The following CDC25B variants were observed in gnomAD, a reference collection of about 807,000 sequenced individuals.
CDC25B encodes the protein cell division cycle 25B.
CDC25B carries 33 observed loss-of-function variants against 69.8 expected under a neutral mutation model. The observed-to-expected ratio is 0.47, with a 90% CI of 0.36 to 0.63. CDC25B has a LOEUF of 0.63. CDC25B is among the 30% of genes least tolerant of loss of function. The pLI is 0.00. For missense variants in CDC25B, 727 were observed against 809.1 expected (o/e 0.90, Z 1.23); for synonymous variants, 341 against 314.6 (o/e 1.08, Z -0.89).
At position 3,796,480 on chromosome 20, in the gene CDC25B, T is replaced by A; in HGVS notation, c.-52T>A. ...GCCCAGCCAGCTGTGCCGGCGTTTG[T>A]TGGCTGCCCTGCGCCCGGCCCTCCA... On this transcript the variant is annotated 5_prime_UTR_variant, in exon 1 of 16. In the 5' UTR this introduces an upstream ATG that the reference lacks. Transcript: ENST00000245960. 8.0e-7 allele frequency: 1 copy of A among 1,249,542 alleles called. No individual in the cohort carries two copies. The highest frequency in any genetic ancestry group is 1.0e-6 in the Non-Finnish European group (1 of 978,674). The allele number at this position is 1,249,542 out of a possible 1,614,324, so 77.4% of individuals were successfully genotyped here.
At chr20:3,789,218 C>T (rs1019326414) in intron 1 of CDC25B, among the ~76,000 whole-genome samples, 1 of 152,190 alleles carries the variant, frequency 6.6e-6, no homozygotes, top group Non-Finnish European at 1.5e-5. Context: ...CCTTCAGGCC[C>T]CTCAGCAAGC....
At chr20:3,800,140 G>A in intron 3 of CDC25B, 148 bp from the exon 4 acceptor site, 1 of 655,996 alleles carries the variant, frequency 1.5e-6, no homozygotes, top group Admixed American at 2.9e-5. Flanking sequence ...CCCTGATGGT[G>A]GGCGTTCTTC....
intron 3 of CDC25B, among the ~76,000 whole-genome samples, chr20:3,799,534 G>GCGCGCGCGCGCGCGCGCGCT (rs1187727448): frequency 2.7e-5 from 4 of 150,892 alleles, no homozygotes; most frequent in African/African-American, 9.8e-5. Context: ...GTGCGCGCGC[G>GCGCGCGCGCGCGCGCGCGCT]CGCGTAGATG....
chr20:3,796,710 A>G lies in CDC25B; in HGVS notation c.179A>G (p.His60Arg). 3.2e-6 allele frequency: 5 copies of G among 1,569,324 alleles called. No individual in the cohort carries two copies. The South Asian group carries it at 3.4e-5, about 11-fold the overall frequency. The change falls in exon 1 of 16, where the codon CAC becomes CGC. Residue 60 changes from histidine to arginine, a missense_variant. Coordinates refer to ENST00000245960, the MANE Select transcript of CDC25B (RefSeq NM_021873.4). Reference sequence around the variant, plus strand: ...GTCACCACCCTCACCCAGACCATGCACGACCTCGCCGGGCTCGGCAGGTAG... The same window carrying G: ...GTCACCACCCTCACCCAGACCATGCGCGACCTCGCCGGGCTCGGCAGGTAG... ...SPVTTLTQTM[H>R]DLAGLGSETP...
At chr20:3,797,482 G>T in intron 1 of CDC25B, 140 bp from the exon 2 acceptor site, 1 of 1,076,898 alleles carries the variant, frequency 9.3e-7, no homozygotes, top group South Asian at 1.5e-5. Context: ...CTGAGAAGAG[G>T]GGGCCCTCAG....
chr20:3,800,458 G>C lies in CDC25B; in HGVS notation c.423-4G>C, dbSNP rs1214290287. 1.2e-6 allele frequency: 2 copies of C among 1,614,080 alleles called. No homozygotes were observed. The highest frequency in any genetic ancestry group is 1.7e-5 in the Admixed American group (1 of 60,000). On this transcript the variant is annotated splice_polypyrimidine_tract_variant and splice_region_variant and intron_variant, in intron 4 of 15. Transcript: ENST00000245960. ...CTCTCACCTGTCCCCATTTCCTCCT[G>C]TAGCGAGCAGTTTGCCATCAGACGC...
At chr20:3,804,792 C>A in intron 15 of CDC25B, 29 bp from the exon 16 acceptor site, 1 of 1,613,044 alleles carries the variant, frequency 6.2e-7, no homozygotes, top group Non-Finnish European at 8.5e-7. Flanking sequence ...ACCCATTCCA[C>A]TGCATTGACC....
At chr20:3,802,883 C>T (rs1331666751) in intron 11 of CDC25B, 27 bp from the exon 12 acceptor site, 2 of 1,594,536 alleles carry the variant, frequency 1.3e-6, no homozygotes, top group Admixed American at 1.7e-5. Flanking sequence ...TTTCTCCCCT[C>T]TCCCTCATCC....
rs754507283 is a variant in CDC25B, at chr20:3,803,225, G to C, written c.1356+19G>C. On this transcript the variant is annotated intron_variant, in intron 13 of 15. Transcript: ENST00000245960. This position sits in a 1 kb window ranked among gnomAD's most constrained non-coding sequence, Gnocchi z 4.9. ...CATCAAGGTAAGATGGGGCAATGGG[G>C]AGAGGCCCTGAAGATCCCACCTGGT... The C allele has an allele frequency of 1.4e-4, 219 of 1,594,818 alleles. No individual in the cohort carries two copies. Among genetic ancestry groups the C allele is most frequent in the Middle Eastern group, 6.6e-4 (4 of 6,042 alleles).
chr20:3,803,119 A>G lies in CDC25B; in HGVS notation c.1269A>G (p.Leu423=), dbSNP rs2146700379. 1.9e-6 allele frequency: 3 copies of G among 1,613,616 alleles called. No homozygotes were observed. The South Asian group carries it at 3.3e-5, about 18-fold the overall frequency. ...KYISPETMVA[L]LTGKFSNIVD... ...ATGACCTCCTACAGATGGTGGCCCT[A>G]TTGACGGGCAAGTTCAGCAACATCG... Residue 423 remains leucine (L), a synonymous_variant, in exon 13 of 16, where the codon CTA becomes CTG. Transcript: ENST00000245960. This position sits in a 1 kb window ranked among gnomAD's most constrained non-coding sequence, Gnocchi z 4.9.
rs771379335 is a variant in CDC25B, at chr20:3,797,608, T to G, written c.201-14T>G. 1.2e-6 allele frequency: 2 copies of G among 1,613,922 alleles called. No homozygotes were observed. The highest frequency in any genetic ancestry group is 1.7e-6 in the Non-Finnish European group (2 of 1,179,946). ...TTACCTTTCTCCTTTCCCGGGTCCC[T>G]GTTCCCTTCCCAGCGAAACCCCAAA... On this transcript the variant is annotated splice_polypyrimidine_tract_variant and intron_variant, in intron 1 of 15. Transcript: ENST00000245960.
At chr20:3,795,746 T>G, upstream of CDC25B, 1 of 985,520 alleles carries the variant, frequency 1.0e-6, no homozygotes. Flanking sequence ...GTTTTGCTGC[T>G]GCTCAGCGCA....
chr20:3,803,419 C>A lies in CDC25B; in HGVS notation c.1372C>A (p.Pro458Thr). 1 of 1,614,070 alleles carries A rather than the reference C, an allele frequency of 6.2e-7. No homozygotes were observed. Among genetic ancestry groups the A allele is most frequent in the South Asian group, 1.1e-5 (1 of 91,076 alleles). The change falls in exon 14 of 16, where the codon CCC (proline) becomes ACC (threonine). Residue 458 changes from proline (P) to threonine (T), a missense_variant. Pro to Thr is a conservative substitution (Grantham distance 38). Coordinates refer to ENST00000245960, the MANE Select transcript of CDC25B (RefSeq NM_021873.4). The surrounding 1 kb of genome is among the most constrained non-coding windows in gnomAD (Gnocchi z 4.9). ...CCTCTGACAGACTGCGGTGAACTTG[C>A]CCCTGGAACGCGACGCCGAGAGCTT... ...GGHIKTAVNL[P>T]LERDAESFLL...
chr20:3,797,037 C>A (rs62208285), intron 1 of CDC25B, among the ~76,000 whole-genome samples: 286 of 152,304 alleles, frequency 1.9e-3, no homozygotes, highest in Middle Eastern at 3.4e-3. Flanking sequence ...AATCTCTGCC[C>A]GGATAGCCAC....
intron 1 of CDC25B, among the ~76,000 whole-genome samples, chr20:3,790,720 C>A (rs563192465): frequency 2.0e-4 from 30 of 152,230 alleles, no homozygotes; most frequent in Admixed American, 1.3e-3. Flanking sequence ...TAGGCGCCAA[C>A]TACTATACCT....
rs370687372 is a variant in CDC25B at position 3,802,873 on chromosome 20, T to C, written c.1195-37T>C. 2.2e-5 allele frequency: 35 copies of C among 1,559,888 alleles called. No individual in the cohort carries two copies. The African/African-American group carries it at 3.4e-4, about 15-fold the overall frequency. ...AGGCTCCTGGTCTTACCAATTTAACTTTCTCCCCTCTCCCTCATCCCTTCC... is the reference window on the plus strand; with the variant it reads ...AGGCTCCTGGTCTTACCAATTTAACCTTCTCCCCTCTCCCTCATCCCTTCC... On this transcript the variant is annotated intron_variant, in intron 11 of 15. Coordinates refer to ENST00000245960, the MANE Select transcript of CDC25B (RefSeq NM_021873.4).
At position 3,805,573 on chromosome 20, in the gene CDC25B, G is replaced by A. The variant is rs1165692406; in HGVS notation, c.*612G>A. ...GTGTGCTTGGTCTGTTTGACTTTAC[G>A]CCCATCTCAGGACACTTCCGTAGAC... On this transcript the variant is annotated 3_prime_UTR_variant, in exon 16 of 16. Coordinates refer to ENST00000245960, the MANE Select transcript of CDC25B (RefSeq NM_021873.4). 2.0e-5 allele frequency: 8 copies of A among 393,760 alleles called. No individual in the cohort carries two copies. In the South Asian group the frequency reaches 4.2e-4, roughly 21 times the overall value. The allele number at this position is 393,760 out of a possible 1,614,324, so 24.4% of individuals were successfully genotyped here.
At chr20:3,804,715 G>A in intron 15 of CDC25B, 35 bp downstream of exon 15, 2 of 1,590,904 alleles carry the variant, frequency 1.3e-6, no homozygotes, top group Non-Finnish European at 1.7e-6. Context: ...GTCTCTGTGT[G>A]AGGGTTGGCT....
chr20:3,803,685 A>C lies in CDC25B; in HGVS notation c.1490+148A>C, dbSNP rs2089372305. 1.0e-6 allele frequency: 1 copy of C among 956,458 alleles called. No individual in the cohort carries two copies. Among genetic ancestry groups the C allele is most frequent in the South Asian group, 1.6e-5 (1 of 64,492 alleles). The allele number at this position is 956,458 out of a possible 1,614,324, so 59.2% of individuals were successfully genotyped here. A position where few individuals can be genotyped will look rare whatever the true frequency, so the allele number is the denominator to read the frequency against. The stretch of plus-strand genomic sequence containing the variant: ...ATGGCCTAGAGCTGACCTCAGCCCC[A>C]CTTCACTGTGCATGGTACCCGCCTC... On this transcript the variant is annotated intron_variant, in intron 14 of 15. Transcript: ENST00000245960. The surrounding 1 kb of genome is among the most constrained non-coding windows in gnomAD (Gnocchi z 4.9).
Sources: gnomAD v4.1 joint callset for allele counts (sites outside exome capture counted in the v4.1 genomes callset) on GRCh38, gnomAD v4.1.1 for gene constraint, Gnocchi (gnomAD v3.1) non-coding constraint, MANE v1.5 for transcripts, NCBI Gene and HGNC (gene_info 2026-07-23, HGNC 2026-07-21) for gene names.